UNC13C: variants seen among roughly 807,000 people sequenced by gnomAD.
UNC13C encodes the protein protein unc-13 homolog C.
In UNC13C, 174 loss-of-function variants were observed where a neutral mutation model predicts 245.4. The ratio of observed to expected loss-of-function variants is 0.71; its 90% CI spans 0.63 to 0.80. The LOEUF is 0.80. Ranked by LOEUF, UNC13C falls within the 30% of genes least tolerant of loss-of-function variation. The pLI is 0.00. For synonymous variants in UNC13C, 992 were observed against 895.1 expected (o/e 1.11, Z -1.93); for missense variants, 2,829 against 2,602.9 (o/e 1.09, Z -1.89).
intron 31 of UNC13C, among the ~76,000 whole-genome samples, chr15:54,622,866 A>T (rs1039078557): frequency 6.6e-6 from 1 of 152,118 alleles, no homozygotes; most frequent in Admixed American, 6.6e-5. Context: ...AATTTCAAAG[A>T]TGAAATTAAA....
At chr15:54,326,865 G>A (rs966562011) in intron 14 of UNC13C, among the ~76,000 whole-genome samples, 4 of 152,006 alleles carry the variant, frequency 2.6e-5, no homozygotes, top group Non-Finnish European at 5.9e-5. Flanking sequence ...TAAATTTTCA[G>A]GAATATTGCA....
intron 2 of UNC13C, among the ~76,000 whole-genome samples, chr15:54,090,126 G>A (rs1181124909): frequency 6.6e-6 from 1 of 152,128 alleles, no homozygotes; most frequent in Non-Finnish European, 1.5e-5. Flanking sequence ...TGATAATTTT[G>A]TGCTTGCCAA....
intron 1 of UNC13C, among the ~76,000 whole-genome samples, chr15:53,998,025 A>T (rs1455317883): frequency 6.6e-6 from 1 of 152,014 alleles, no homozygotes; most frequent in Non-Finnish European, 1.5e-5. Context: ...CTGGTCTAGA[A>T]TTCCTGGGCT....
downstream of UNC13C, chr15:54,630,402 C>T (rs1338976196): frequency 1.3e-5 from 2 of 152,050 alleles, no homozygotes; most frequent in East Asian, 1.9e-4. Context: ...AAAAACAATG[C>T]GTGAAACAAG....
In UNC13C at chr15:54,531,880, T is replaced by C. The variant is rs569167966; in HGVS notation, c.5547-1037T>C. Among the ~76,000 whole-genome samples the C allele has an allele frequency of 2.8e-3, 433 of 152,270 alleles. 3 individuals are homozygous for C. Among genetic ancestry groups the C allele is most frequent in the Non-Finnish European group, 3.6e-3 (242 of 68,030 alleles). On this transcript the variant is annotated intron_variant, in intron 25 of 32. Coordinates refer to ENST00000260323, the MANE Select transcript of UNC13C (RefSeq NM_001080534.3). ...GGAAACCACTAATCTCCTTTCTGTCTCTATGGATTTGCTTATTCTGGATAT... is the reference window on the plus strand; with the variant it reads ...GGAAACCACTAATCTCCTTTCTGTCCCTATGGATTTGCTTATTCTGGATAT...
intron 17 of UNC13C, among the ~76,000 whole-genome samples, chr15:54,344,189 T>C (rs1237424337): frequency 3.3e-5 from 5 of 152,186 alleles, no homozygotes; most frequent in African/African-American, 7.2e-5. Context: ...TACTAATTAA[T>C]ACTCAGTGGA....
At chr15:54,213,986 G>T (rs2034963793) in intron 4 of UNC13C, among the ~76,000 whole-genome samples, 1 of 151,976 alleles carries the variant, frequency 6.6e-6, no homozygotes. Context: ...ATTGCAAATT[G>T]ATGGTCAGAG....
intron 30 of UNC13C, among the ~76,000 whole-genome samples, chr15:54,596,541 C>A (rs1440924582): frequency 6.6e-6 from 1 of 152,178 alleles, no homozygotes; most frequent in South Asian, 2.1e-4. Context: ...GAGAGCACCA[C>A]TAGGGTCAAA....
chr15:54,065,959 T>C (rs1898057762), intron 2 of UNC13C, among the ~76,000 whole-genome samples: 1 of 152,210 alleles, frequency 6.6e-6, no homozygotes, highest in Non-Finnish European at 1.5e-5. Context: ...TTCTCTTCCA[T>C]GATTACTTAA....
chr15:54,224,393 T>C (rs957037138), intron 4 of UNC13C, among the ~76,000 whole-genome samples: 1 of 152,136 alleles, frequency 6.6e-6, no homozygotes, highest in African/African-American at 2.4e-5. Context: ...AATGGTCATA[T>C]GGTTTTTGTC....
intron 4 of UNC13C, among the ~76,000 whole-genome samples, chr15:54,215,427 T>TA (rs572116978): frequency 5.7e-4 from 86 of 152,030 alleles, no homozygotes; most frequent in African/African-American, 2.0e-3. Context: ...TTGAAAACTT[T>TA]AAAAAATGGC....
chr15:54,219,831 A>T (rs2140778366), intron 4 of UNC13C, among the ~76,000 whole-genome samples: 1 of 151,876 alleles, frequency 6.6e-6, no homozygotes, highest in South Asian at 2.1e-4. Context: ...TGCAGCCAAA[A>T]GACACATGAA....
intron 4 of UNC13C, among the ~76,000 whole-genome samples, chr15:54,233,418 C>G (rs984014650): frequency 6.6e-6 from 1 of 152,182 alleles, no homozygotes; most frequent in Non-Finnish European, 1.5e-5. Context: ...AAATAATTTG[C>G]TCATCCTTGA....
chr15:54,623,784 C>CT lies in UNC13C; in HGVS notation c.6200-3dup, dbSNP rs143850833. On this transcript the variant is annotated splice_polypyrimidine_tract_variant and intron_variant, in intron 31 of 32. Coordinates refer to ENST00000260323, the MANE Select transcript of UNC13C (RefSeq NM_001080534.3). ...TCTGTTTGCTAAAATGTGATATTTC[C>CT]TTTTTTTTAGTGATTGCTATTAATG... 13,996 of 1,575,734 alleles carry CT rather than the reference C, an allele frequency of 8.9e-3. 852 individuals are homozygous for CT. The African/African-American group carries it at 0.15, about 17-fold the overall frequency.
At chr15:54,321,461 T>G (rs1425578718) in intron 13 of UNC13C, 2 of 490,292 alleles carry the variant, frequency 4.1e-6, no homozygotes, top group Non-Finnish European at 8.1e-6. Context: ...CGGCCTTGCG[T>G]TCATGGCTAC....
intron 2 of UNC13C, among the ~76,000 whole-genome samples, chr15:54,038,648 A>T (rs1333030045): frequency 6.6e-6 from 1 of 152,194 alleles, no homozygotes; most frequent in East Asian, 1.9e-4. Flanking sequence ...GTGATTCTTT[A>T]AAATAAATTA....
chr15:53,956,608 G>GGATT, the UNC13C span, among the ~76,000 whole-genome samples: 1 of 150,510 alleles, frequency 6.6e-6, no homozygotes, highest in African/African-American at 2.4e-5. Context: ...AAGTGAAAAA[G>GGATT]GGAGAAGCTT....
At chr15:54,048,458 A>G in intron 2 of UNC13C, 1 of 606,806 alleles carries the variant, frequency 1.6e-6, no homozygotes, top group Non-Finnish European at 3.2e-6. Context: ...TTGCTTGATA[A>G]TGAGGCCAGC....
chr15:54,435,274 T>G (rs891492725), intron 19 of UNC13C, among the ~76,000 whole-genome samples: 1 of 152,108 alleles, frequency 6.6e-6, no homozygotes, highest in Non-Finnish European at 1.5e-5. Flanking sequence ...CAAAGACACA[T>G]GCACACATAT....
Sources: gnomAD v4.1 joint callset for allele counts (sites outside exome capture counted in the v4.1 genomes callset) on GRCh38, gnomAD v4.1.1 for gene constraint, MANE v1.5 for transcripts, NCBI Gene and HGNC (gene_info 2026-07-23, HGNC 2026-07-21) for gene names.